NWD2: variants seen among roughly 807,000 people sequenced by gnomAD.
NWD2 encodes the protein NACHT and WD repeat domain containing 2, also known as NACHT and WD repeat domain-containing protein 2.
Under a neutral mutation model 132.7 loss-of-function variants are expected in NWD2, and 37 were observed. The ratio of observed to expected loss-of-function variants is 0.28; its 90% CI spans 0.21 to 0.37. The LOEUF (loss-of-function observed/expected upper bound fraction) is 0.37. NWD2 is among the 10% of genes least tolerant of loss of function. The pLI is 1.00. For synonymous variants in NWD2, 705 were observed against 803.0 expected (o/e 0.88, Z 2.06); for missense variants, 1,592 against 2,122.4 (o/e 0.75, Z 4.91).
chr4:37,390,237 TTAAGTA>T (rs765495936), intron 3 of NWD2, among the ~76,000 whole-genome samples: 90 of 151,504 alleles, frequency 5.9e-4, no homozygotes, highest in African/African-American at 1.2e-3. Flanking sequence ...TACATATACT[TTAAGTA>T]TATGTACATA....
In NWD2 at chr4:37,439,031, T is replaced by G. The variant is rs978496812; in HGVS notation, c.937T>G (p.Ser313Ala). ...ATTTATTCCTACTATTGTTGCATCA[T>G]CTAATCTGAGAGTGTACACATCTGT... ...DEFIPTIVAS[S>A]NLRVYTSVTH... The change falls in exon 6 of 7, where the codon TCT becomes GCT. Residue 313 changes from serine to alanine, a missense_variant. Coordinates refer to ENST00000309447, the MANE Select transcript of NWD2 (RefSeq NM_001144990.2). The surrounding 1 kb of genome is among the most constrained non-coding windows in gnomAD (Gnocchi z 4.5). 7.7e-6 allele frequency: 12 copies of G among 1,551,624 alleles called. No individual in the cohort carries two copies. The Admixed American group carries it at 1.4e-4, about 18-fold the overall frequency.
chr4:37,435,593 G>T (rs1014463417), intron 5 of NWD2, among the ~76,000 whole-genome samples: 1 of 152,012 alleles, frequency 6.6e-6, no homozygotes, highest in Admixed American at 6.6e-5. Flanking sequence ...AAAGTACCTG[G>T]AGTGAAGCTT....
intron 1 of NWD2, among the ~76,000 whole-genome samples, chr4:37,297,400 A>G (rs1315326423): frequency 6.6e-6 from 1 of 152,184 alleles, no homozygotes; most frequent in South Asian, 2.1e-4. Flanking sequence ...ATCTGTAAAT[A>G]AGGAACCTGC....
At chr4:37,397,446 T>C (rs1720819298) in intron 3 of NWD2, among the ~76,000 whole-genome samples, 1 of 152,144 alleles carries the variant, frequency 6.6e-6, no homozygotes, top group Admixed American at 6.5e-5. Context: ...ATCCAATCAG[T>C]TGAAGAGGGC....
At chr4:37,303,637 T>C (rs1372525490) in intron 1 of NWD2, among the ~76,000 whole-genome samples, 1 of 152,184 alleles carries the variant, frequency 6.6e-6, no homozygotes, top group Non-Finnish European at 1.5e-5. Flanking sequence ...TTTCTAGTTT[T>C]CATTGTAGAG....
intron 1 of NWD2, among the ~76,000 whole-genome samples, chr4:37,275,844 A>G (rs377021740): frequency 6.6e-5 from 10 of 152,078 alleles, no homozygotes; most frequent in African/African-American, 2.4e-4. Context: ...AACAAGCAAT[A>G]GGGAAAGGAT....
intron 3 of NWD2, among the ~76,000 whole-genome samples, chr4:37,415,718 A>C (rs1560249619): frequency 1.3e-5 from 2 of 151,800 alleles, no homozygotes; most frequent in African/African-American, 2.4e-5. Context: ...AAAAAAAAAA[A>C]AATAGGCAAA....
At chr4:37,267,836 G>GA (rs923609288) in intron 1 of NWD2, among the ~76,000 whole-genome samples, 32 of 151,864 alleles carry the variant, frequency 2.1e-4, no homozygotes, top group South Asian at 4.2e-4. Context: ...TGTTGAGGGG[G>GA]AAAAAACACA....
rs1577703051 is a variant in NWD2, at chr4:37,439,195, T to C, written c.1101T>C (p.Asp367=). 6 of 1,550,574 alleles carry C rather than the reference T, an allele frequency of 3.9e-6. No individual in the cohort carries two copies. The highest frequency in any genetic ancestry group is 1.4e-5 in the African/African-American group (1 of 73,014). The change falls in exon 6 of 7, where the codon GAT becomes GAC. Residue 367 remains aspartate, a synonymous_variant. Transcript: ENST00000309447. This position sits in a 1 kb window ranked among gnomAD's most constrained non-coding sequence, Gnocchi z 4.5. ...TIQQNFDTET[D]TLYDEILQHS... is the part of the protein sequence containing the mutation. ...AACAGAATTTTGACACTGAAACTGATACACTCTATGATGAAATCCTTCAAC... is the reference window on the plus strand; with the variant it reads ...AACAGAATTTTGACACTGAAACTGACACACTCTATGATGAAATCCTTCAAC...
At chr4:37,321,619 G>A (rs967399277) in intron 1 of NWD2, among the ~76,000 whole-genome samples, 19 of 152,166 alleles carry the variant, frequency 1.2e-4, no homozygotes, top group African/African-American at 4.1e-4. Flanking sequence ...GATTCTGTGA[G>A]CTAATATTTC....
At chr4:37,340,888 G>C (rs772730178) in intron 2 of NWD2, among the ~76,000 whole-genome samples, 1 of 152,138 alleles carries the variant, frequency 6.6e-6, no homozygotes, top group African/African-American at 2.4e-5. Context: ...TTAGAAATAC[G>C]GAAGTAAATT....
intron 3 of NWD2, among the ~76,000 whole-genome samples, chr4:37,388,681 G>GATATATAAATA (rs1553897016): frequency 7.0e-6 from 1 of 143,422 alleles, no homozygotes; most frequent in African/African-American, 2.6e-5. Context: ...AATATATATC[G>GATATATAAATA]TATATATCAT....
rs560273432 is a variant in NWD2 at position 37,271,863 on chromosome 4, G to A, written c.151+26645G>A. On this transcript the variant is annotated intron_variant, in intron 1 of 6. Coordinates refer to ENST00000309447, the MANE Select transcript of NWD2 (RefSeq NM_001144990.2). Reference sequence around the variant, plus strand: ...TCTTGAAGGACTCTCTATAGTGTTTGTTGTAAGGCAAGTCTACTAGTAGCA... The same window carrying A: ...TCTTGAAGGACTCTCTATAGTGTTTATTGTAAGGCAAGTCTACTAGTAGCA... Among the ~76,000 whole-genome samples, 5 of 151,832 alleles carry A rather than the reference G, an allele frequency of 3.3e-5. No individual in the cohort carries two copies. The East Asian group carries it at 9.7e-4, about 29-fold the overall frequency.
chr4:37,311,467 T>G (rs1424594686), intron 1 of NWD2, among the ~76,000 whole-genome samples: 2 of 151,260 alleles, frequency 1.3e-5, no homozygotes, highest in Non-Finnish European at 2.9e-5. Context: ...CTTTGCCCAC[T>G]TTTTGATGGG....
At chr4:37,404,536 A>T (rs1173621843) in intron 3 of NWD2, among the ~76,000 whole-genome samples, 1 of 152,124 alleles carries the variant, frequency 6.6e-6, no homozygotes, top group East Asian at 1.9e-4. Flanking sequence ...TACAGACAAT[A>T]CCATGCTTTT....
At position 37,447,511 on chromosome 4, in the gene NWD2, C is replaced by A. The variant is rs1577705954; in HGVS notation, c.*294C>A. ...TGTGTGGTGAGGCAGCATAATACAT[C>A]CCACTGGTTAAGATGAGAGAGGCTA... is the stretch of plus-strand genomic sequence containing the variant. On this transcript the variant is annotated 3_prime_UTR_variant, in exon 7 of 7. Transcript: ENST00000309447. 5.0e-6 allele frequency: 2 copies of A among 399,600 alleles called. No homozygotes were observed. Among genetic ancestry groups the A allele is most frequent in the South Asian group, 6.3e-5 (2 of 31,498 alleles). The allele number at this position is 399,600 out of a possible 1,614,324, so 24.8% of individuals were successfully genotyped here.
chr4:37,266,103 A>G (rs186932758), intron 1 of NWD2, among the ~76,000 whole-genome samples: 2 of 151,878 alleles, frequency 1.3e-5, no homozygotes, highest in East Asian at 1.9e-4. Context: ...TTCTTTTGTA[A>G]CCTCTTCACT....
chr4:37,286,417 C>T (rs965825401), intron 1 of NWD2, among the ~76,000 whole-genome samples: 1 of 152,204 alleles, frequency 6.6e-6, no homozygotes, highest in Admixed American at 6.5e-5. Flanking sequence ...TTCCAGGGAA[C>T]AGGACCCTTG....
At chr4:37,390,695 G>A (rs1577687926) in intron 3 of NWD2, among the ~76,000 whole-genome samples, 2 of 152,126 alleles carry the variant, frequency 1.3e-5, no homozygotes, top group African/African-American at 4.8e-5. Context: ...TGAGATGATC[G>A]ACTCTCTTAG....
Sources: gnomAD v4.1 joint callset for allele counts (sites outside exome capture counted in the v4.1 genomes callset) on GRCh38, gnomAD v4.1.1 for gene constraint, Gnocchi (gnomAD v3.1) non-coding constraint, MANE v1.5 for transcripts, NCBI Gene and HGNC (gene_info 2026-07-23, HGNC 2026-07-21) for gene names.